Variants in UBE2G1 observed in about 807,000 individuals in gnomAD.
The protein encoded by UBE2G1 is ubiquitin conjugating enzyme E2 G1.
UBE2G1 carries 5 observed loss-of-function variants against 22.7 expected under a neutral mutation model. That is an observed-to-expected ratio of 0.22 (90% CI 0.12 to 0.46). The LOEUF (loss-of-function observed/expected upper bound fraction) is 0.46, where lower values mean the gene tolerates loss of function less well. Among genes scored for constraint, UBE2G1 ranks in the 20% least tolerant of loss-of-function variants. The pLI is 0.99. For synonymous variants in UBE2G1, 74 were observed against 67.5 expected, an observed-to-expected ratio of 1.10 and a Z score of -0.47; for missense variants, 88 against 203.9, an observed-to-expected ratio of 0.43 and a Z score of 3.46.
At chr17:4,337,956 G>A (rs1228112764) in intron 1 of UBE2G1, among the ~76,000 whole-genome samples, 1 of 151,988 alleles carries the variant, frequency 6.6e-6, no homozygotes, top group Non-Finnish European at 1.5e-5. Flanking sequence ...GGATCACGAG[G>A]TCAGGAGATC....
chr17:4,360,240 A>C (rs1197142683), intron 1 of UBE2G1, among the ~76,000 whole-genome samples: 2 of 152,222 alleles, frequency 1.3e-5, no homozygotes, highest in East Asian at 3.8e-4. Context: ...ACAAAAATTT[A>C]AATCTAAAAA....
intron 1 of UBE2G1, 133 bp from the exon 2 acceptor site, chr17:4,307,256 A>C: frequency 1.4e-6 from 1 of 708,250 alleles, no homozygotes; most frequent in Non-Finnish European, 2.3e-6. Context: ...GCCAGGCAAA[A>C]TGCTACTTGA....
chr17:4,304,807 T>C (rs1051358493), intron 2 of UBE2G1, among the ~76,000 whole-genome samples: 1 of 152,186 alleles, frequency 6.6e-6, no homozygotes, highest in African/African-American at 2.4e-5. Flanking sequence ...TCTACTTCCC[T>C]TCACAGGCAG....
intron 3 of UBE2G1, among the ~76,000 whole-genome samples, chr17:4,292,082 T>C (rs1969048431): frequency 6.6e-6 from 1 of 152,032 alleles, no homozygotes; most frequent in Admixed American, 6.6e-5. Flanking sequence ...TGGCCTGTAA[T>C]CCCAGCACTT....
intron 5 of UBE2G1, among the ~76,000 whole-genome samples, chr17:4,279,728 T>C (rs535828126): frequency 1.2e-4 from 15 of 128,478 alleles, no homozygotes; most frequent in South Asian, 2.6e-4. Flanking sequence ...TGAGCCGAGA[T>C]TGCACCACTG....
chr17:4,290,600 T>C (rs1969021804), intron 3 of UBE2G1, among the ~76,000 whole-genome samples: 1 of 151,462 alleles, frequency 6.6e-6, no homozygotes, highest in Admixed American at 6.6e-5. Flanking sequence ...GCCCTCCAAG[T>C]AGCTGGGACC....
At position 4,366,251 on chromosome 17, in the gene UBE2G1, C is replaced by A; in HGVS notation, c.46+20G>T. 6.5e-7 allele frequency: 1 copy of A among 1,533,602 alleles called. No homozygotes were observed. The highest frequency in any genetic ancestry group is 8.7e-7 in the Non-Finnish European group (1 of 1,150,572). 95.0% of individuals were successfully genotyped at this position (1,533,602 alleles called of 1,614,324 possible). A position where few individuals can be genotyped will look rare whatever the true frequency, so the allele number is the denominator to read the frequency against. On this transcript the variant is annotated intron_variant, in intron 1 of 5. Transcript: ENST00000396981. ...CCGCGATCGCGGCCGGGCCCGGCGC[C>A]CCGCCGCCCGCCTGCTCACCTGCCA...
intron 1 of UBE2G1, among the ~76,000 whole-genome samples, chr17:4,319,092 TAAAC>T (rs1230063271): frequency 6.6e-6 from 1 of 152,192 alleles, no homozygotes; most frequent in Non-Finnish European, 1.5e-5. Context: ...GTAAAGATAA[TAAAC>T]AAAGGAGATT....
chr17:4,330,754 T>A (rs1969565067), intron 1 of UBE2G1, among the ~76,000 whole-genome samples: 1 of 151,308 alleles, frequency 6.6e-6, no homozygotes, highest in South Asian at 2.1e-4. Flanking sequence ...ATAAAATATA[T>A]TTTATTTATT....
At chr17:4,288,953 C>T (rs1026410351) in intron 4 of UBE2G1, among the ~76,000 whole-genome samples, 1 of 152,000 alleles carries the variant, frequency 6.6e-6, no homozygotes, top group Non-Finnish European at 1.5e-5. Flanking sequence ...GGCTGGAGGA[C>T]CACTTGGGCC....
chr17:4,342,826 A>C (rs1457080391), intron 1 of UBE2G1, among the ~76,000 whole-genome samples: 1 of 152,034 alleles, frequency 6.6e-6, no homozygotes, highest in African/African-American at 2.4e-5. Context: ...CTCTGAGTAA[A>C]AGCCTAAATC....
chr17:4,283,075 T>C (rs555716815), intron 4 of UBE2G1, among the ~76,000 whole-genome samples, 154 bp from the exon 5 acceptor site: 7 of 152,194 alleles, frequency 4.6e-5, no homozygotes, highest in Non-Finnish European at 7.3e-5. Flanking sequence ...AGACATACTT[T>C]TTCAAGACAC....
chr17:4,351,296 T>TA (rs1235303322), intron 1 of UBE2G1, among the ~76,000 whole-genome samples: 1 of 152,192 alleles, frequency 6.6e-6, no homozygotes, highest in East Asian at 1.9e-4. Flanking sequence ...AAGGTTTATT[T>TA]AAAAACAAAA....
rs989037064 is a variant in UBE2G1, at chr17:4,269,565, A to G, written c.*2989T>C. On this transcript the variant is annotated 3_prime_UTR_variant, in exon 6 of 6. Coordinates refer to ENST00000396981, the MANE Select transcript of UBE2G1 (RefSeq NM_003342.5). Reference sequence around the variant, plus strand: ...ATCAAATAAAATCTCACAACCAAGAATGAAGGCCGTTAAAGATACTGACAC... The same window carrying G: ...ATCAAATAAAATCTCACAACCAAGAGTGAAGGCCGTTAAAGATACTGACAC... 5.4e-6 allele frequency: 1 copy of G among 186,202 alleles called. No individual in the cohort carries two copies. The highest frequency in any genetic ancestry group is 1.9e-4 in the East Asian group (1 of 5,202). 11.5% of individuals were successfully genotyped at this position (186,202 alleles called of 1,614,324 possible). A position where few individuals can be genotyped will look rare whatever the true frequency, so the allele number is the denominator to read the frequency against.
chr17:4,333,691 C>T (rs1160117509), intron 1 of UBE2G1, among the ~76,000 whole-genome samples: 1 of 151,886 alleles, frequency 6.6e-6, no homozygotes, highest in Admixed American at 6.6e-5. Context: ...TGTGGTGGCA[C>T]GCACCTGTAG....
chr17:4,270,348 A>C lies in UBE2G1; in HGVS notation c.*2206T>G, dbSNP rs2143657515. ...GCCACAAGCAACCACCATGTGAACAAGTTCTGATTTTAAAAGGGAGGGATC... is the reference window on the plus strand; with the variant it reads ...GCCACAAGCAACCACCATGTGAACACGTTCTGATTTTAAAAGGGAGGGATC... On this transcript the variant is annotated 3_prime_UTR_variant, in exon 6 of 6. Coordinates refer to ENST00000396981, the MANE Select transcript of UBE2G1 (RefSeq NM_003342.5). 6.6e-6 allele frequency: 1 copy of C among 152,524 alleles called. No homozygotes were observed. The highest frequency in any genetic ancestry group is 3.4e-3 in the Middle Eastern group (1 of 294). The allele number at this position is 152,524 out of a possible 1,614,324, so 9.4% of individuals were successfully genotyped here.
At chr17:4,353,059 A>G (rs1483688283) in intron 1 of UBE2G1, among the ~76,000 whole-genome samples, 2 of 152,136 alleles carry the variant, frequency 1.3e-5, no homozygotes, top group African/African-American at 4.8e-5. Context: ...TCTACTAAAA[A>G]TACAAAAAAT....
chr17:4,302,268 C>T (rs1391800660), intron 2 of UBE2G1: 1 of 468,878 alleles, frequency 2.1e-6, no homozygotes, highest in Non-Finnish European at 4.3e-6. Flanking sequence ...ATTTGGGCTC[C>T]CAGTGGATGA....
At chr17:4,344,493 T>C (rs934918643) in intron 1 of UBE2G1, among the ~76,000 whole-genome samples, 5 of 151,188 alleles carry the variant, frequency 3.3e-5, no homozygotes, top group African/African-American at 9.7e-5. Flanking sequence ...TGAGCCGAGA[T>C]TGCGCCACTG....
Sources: gnomAD v4.1 joint callset for allele counts (sites outside exome capture counted in the v4.1 genomes callset) on GRCh38, gnomAD v4.1.1 for gene constraint, MANE v1.5 for transcripts, NCBI Gene and HGNC (gene_info 2026-07-23, HGNC 2026-07-21) for gene names.